The following GZMB variants were observed in gnomAD, a reference collection of about 807,000 sequenced individuals.
The protein encoded by GZMB is granzyme B.
Under a neutral mutation model 24.2 loss-of-function variants are expected in GZMB, and 27 were observed. The observed-to-expected ratio is 1.12, with a 90% CI of 0.82 to 1.54. The LOEUF is 1.54. Ranked by LOEUF, GZMB falls within the 40% of genes most tolerant of loss-of-function variation. The pLI is 0.00. For synonymous variants in GZMB, 121 were observed against 115.1 expected, an observed-to-expected ratio of 1.05 and a Z score of -0.33; for missense variants, 336 against 310.1, an observed-to-expected ratio of 1.08 and a Z score of -0.63.
intron 2 of GZMB, 102 bp downstream of exon 2, chr14:24,632,813 C>T: frequency 4.1e-6 from 5 of 1,214,290 alleles, no homozygotes; most frequent in South Asian, 2.5e-5. Context: ...AGGAGACCTC[C>T]TGGCATGTGT....
rs1449016334 is a variant in GZMB, at chr14:24,632,098, C to T, written c.360G>A (p.Arg120=). 3.7e-6 allele frequency: 6 copies of T among 1,613,862 alleles called. No homozygotes were observed. Among genetic ancestry groups the T allele is most frequent in the East Asian group, 4.5e-5 (2 of 44,868 alleles). The part of the protein sequence containing the change: ...MLLQLERKAK[R]TRAVQPLRLP... ...GCCTGAGGGGCTGCACAGCTCTGGT[C>T]CGCTTGGCCTTTCTCTCCAGCTGGT... is the stretch of plus-strand genomic sequence containing the variant. Residue 120 remains arginine, a synonymous_variant, in exon 4 of 5, where the codon CGG becomes CGA. Coordinates refer to ENST00000216341, the MANE Select transcript of GZMB (RefSeq NM_004131.6).
chr14:24,634,167 A>G lies in GZMB; in HGVS notation c.-7T>C, dbSNP rs2067022621. On this transcript the variant is annotated 5_prime_UTR_variant, in exon 1 of 5. Coordinates refer to ENST00000216341, the MANE Select transcript of GZMB (RefSeq NM_004131.6). ...GAAGCAGGATTGGTTGCATCTTCTC[A>G]GGAAGGCTGCCCTGGTTGGAGCTGC... The G allele has an allele frequency of 6.3e-7, 1 of 1,586,414 alleles. No individual in the cohort carries two copies. The highest frequency in any genetic ancestry group is 1.2e-5 in the South Asian group (1 of 86,280).
chr14:24,632,947 G>A lies in GZMB; in HGVS notation c.171C>T (p.Asp57=), dbSNP rs1433844780. 2 of 1,613,532 alleles carry A rather than the reference G, an allele frequency of 1.2e-6. No homozygotes were observed. Among genetic ancestry groups the A allele is most frequent in the East Asian group, 2.2e-5 (1 of 44,846 alleles). Residue 57 remains aspartate (D), a synonymous_variant, in exon 2 of 5, where the codon GAC becomes GAT. Coordinates refer to ENST00000216341, the MANE Select transcript of GZMB (RefSeq NM_004131.6). The stretch of plus-strand genomic sequence containing the variant: ...AACAGTGAGCAGCTGTCAGCACGAA[G>A]TCGTCTCGTATCAGGAAGCCACCGC... ...KRCGGFLIRD[D]FVLTAAHCWG...
intron 2 of GZMB, 94 bp downstream of exon 2, chr14:24,632,821 T>A: frequency 1.6e-6 from 2 of 1,265,338 alleles, no homozygotes; most frequent in Non-Finnish European, 2.3e-6. Flanking sequence ...TCCTGGCATG[T>A]GTGTTCACAG....
Position 24,632,996 on chromosome 14 carries a change from C to T in GZMB, c.122G>A (p.Trp41Ter). The change falls in exon 2 of 5, where the codon TGG becomes TAG. Residue 41 changes from tryptophan to a stop codon, truncating the protein, a stop_gained. Coordinates refer to ENST00000216341, the MANE Select transcript of GZMB (RefSeq NM_004131.6). LOFTEE classifies it high-confidence loss of function. ...SRPYMAYLMI[W>*]DQKSLKRCGG... The stretch of plus-strand genomic sequence containing the variant: ...GCACCTCTTCAGAGACTTCTGATCC[C>T]AGATCATAAGATAAGCCATGTAGGG... 5 of 1,613,834 alleles carry T rather than the reference C, an allele frequency of 3.1e-6. No homozygotes were observed. In the South Asian group the frequency reaches 5.5e-5, roughly 18 times the overall value.
Position 24,630,991 on chromosome 14 carries a change from G to A in GZMB, c.*80C>T, listed in dbSNP as rs1448463697. 9.4e-7 allele frequency: 1 copy of A among 1,059,482 alleles called. No individual in the cohort carries two copies. Among genetic ancestry groups the A allele is most frequent in the East Asian group, 2.4e-5 (1 of 42,186 alleles). 65.6% of individuals were successfully genotyped at this position (1,059,482 alleles called of 1,614,324 possible). ...CTAAGAGGTATTTATTCAGTTGCTGGCACCTCTCCCAGTGTAAATCTGGAC... is the reference window on the plus strand; with the variant it reads ...CTAAGAGGTATTTATTCAGTTGCTGACACCTCTCCCAGTGTAAATCTGGAC... On this transcript the variant is annotated 3_prime_UTR_variant, in exon 5 of 5. Coordinates refer to ENST00000216341, the MANE Select transcript of GZMB (RefSeq NM_004131.6).
rs368712815 is a variant in GZMB at position 24,633,051 on chromosome 14, C to T, written c.67G>A (p.Gly23Arg). 1.3e-4 allele frequency: 216 copies of T among 1,608,234 alleles called. 1 individual carries two copies. Among genetic ancestry groups the T allele is most frequent in the South Asian group, 3.5e-4 (32 of 90,356 alleles). Residue 23 changes from glycine (G) to arginine (R), a missense_variant, in exon 2 of 5, where the codon GGG becomes AGG. Transcript: ENST00000216341. ...GAGTGGGGCTTGGCCTCATGTCCCC[C>T]GATGATCTCCCCTGAAGGAAAAGTC... is the stretch of plus-strand genomic sequence containing the variant. ...LPRADAGEII[G>R]GHEAKPHSRP...
chr14:24,631,384 T>C (rs567979952), intron 4 of GZMB, among the ~76,000 whole-genome samples, 170 bp from the exon 5 acceptor site: 1 of 152,318 alleles, frequency 6.6e-6, no homozygotes, highest in Admixed American at 6.5e-5. Context: ...GCCCTGGACA[T>C]TGTTACTGCT....
intron 4 of GZMB, 80 bp downstream of exon 4, chr14:24,631,778 A>G (rs1356828602): frequency 8.7e-7 from 1 of 1,151,412 alleles, no homozygotes; most frequent in Admixed American, 1.7e-5. Context: ...GGAGTCCCCC[A>G]CTACTTGAGT....
At chr14:24,631,785 G>A in intron 4 of GZMB, 73 bp downstream of exon 4, 1 of 1,243,046 alleles carries the variant, frequency 8.0e-7, no homozygotes, top group African/African-American at 1.5e-5. Context: ...CCCACTACTT[G>A]AGTCTCCAGG....
chr14:24,631,351 T>TG (rs1161168825), intron 4 of GZMB, 137 bp from the exon 5 acceptor site: 1 of 691,066 alleles, frequency 1.4e-6, no homozygotes, highest in African/African-American at 1.8e-5. Flanking sequence ...AGGCCGCTGG[T>TG]GGCCCCCAGC....
intron 3 of GZMB, 48 bp downstream of exon 3, chr14:24,632,276 G>C (rs764989748): frequency 6.4e-7 from 1 of 1,573,958 alleles, no homozygotes; most frequent in Non-Finnish European, 8.7e-7. Flanking sequence ...CAGGGGGAGT[G>C]GAACCAACTG....
In GZMB at chr14:24,631,936, T is replaced by A; in HGVS notation, c.522A>T (p.Glu174Asp). Reference protein sequence around the residue: ...KMTVQEDRKCESDLRHYYDST... With the variant: ...KMTVQEDRKCDSDLRHYYDST... The stretch of plus-strand genomic sequence containing the variant: ...TGTCGTAATAATGGCGTAAGTCAGA[T>A]TCGCACTTTCGATCTTCCTGCACTG... The change falls in exon 4 of 5, where the codon GAA becomes GAT. Residue 174 changes from glutamate (E) to aspartate (D), a missense_variant. Transcript: ENST00000216341. 6.2e-7 allele frequency: 1 copy of A among 1,614,144 alleles called. No individual in the cohort carries two copies. Among genetic ancestry groups the A allele is most frequent in the Non-Finnish European group, 8.5e-7 (1 of 1,179,946 alleles).
At chr14:24,631,330 GAGGGC>G in intron 4 of GZMB, 116 bp from the exon 5 acceptor site, 1 of 866,780 alleles carries the variant, frequency 1.2e-6, no homozygotes, top group Non-Finnish European at 1.8e-6. Flanking sequence ...TGGGAGACCA[GAGGGC>G]AGGGCAGGCC....
At chr14:24,631,772 T>TC in intron 4 of GZMB, 86 bp downstream of exon 4, 1 of 1,050,814 alleles carries the variant, frequency 9.5e-7, no homozygotes, top group South Asian at 1.4e-5. Context: ...GGTGAAGGAG[T>TC]CCCCCACTAC....
Position 24,631,884 on chromosome 14 carries a change from G to C in GZMB, c.574C>G (p.Pro192Ala). The change falls in exon 4 of 5, where the codon CCA (proline) becomes GCA (alanine). Residue 192 changes from proline to alanine, a missense_variant. Transcript: ENST00000216341. ...TTAAAGGAAGTCTTTTTAATCTCTG[G>C]GTCCCCCACGCACAACTCAATGGTA... ...DSTIELCVGDPEIKKTSFKGD... is the reference protein window; with the variant it reads ...DSTIELCVGDAEIKKTSFKGD... The C allele has an allele frequency of 5.0e-6, 8 of 1,613,790 alleles. No individual in the cohort carries two copies. In the South Asian group the frequency reaches 8.8e-5, roughly 18 times the overall value.
intron 1 of GZMB, 156 bp from the exon 2 acceptor site, chr14:24,633,218 A>AG: frequency 4.2e-6 from 6 of 1,433,436 alleles, no homozygotes; most frequent in Non-Finnish European, 5.5e-6. Context: ...GCTCTGAAAA[A>AG]GGGAAGAACA....
At position 24,632,943 on chromosome 14, in the gene GZMB, CGAAGTCGTCTCGTATCAG is replaced by C; in HGVS notation, c.157_174del (p.Leu53_Phe58del). 1 of 1,613,248 alleles carries C rather than the reference CGAAGTCGTCTCGTATCAG, an allele frequency of 6.2e-7. No individual in the cohort carries two copies. The highest frequency in any genetic ancestry group is 8.5e-7 in the Non-Finnish European group (1 of 1,179,580). On this transcript the variant is annotated inframe_deletion, in exon 2 of 5. Transcript: ENST00000216341. ...CCCCAACAGTGAGCAGCTGTCAGCA[CGAAGTCGTCTCGTATCAG>C]GAAGCCACCGCACCTCTTCAGAGAC...
Position 24,633,058 on chromosome 14 carries a change from C to T in GZMB, c.60G>A (p.Glu20=), listed in dbSNP as rs754267669. 2.5e-6 allele frequency: 4 copies of T among 1,606,362 alleles called. No homozygotes were observed. Among genetic ancestry groups the T allele is most frequent in the Admixed American group, 1.7e-5 (1 of 59,198 alleles). The change falls in exon 2 of 5, where the codon GAG becomes GAA. Residue 20 remains glutamate (E), a synonymous_variant. Coordinates refer to ENST00000216341, the MANE Select transcript of GZMB (RefSeq NM_004131.6). ...GCTTGGCCTCATGTCCCCCGATGAT[C>T]TCCCCTGAAGGAAAAGTCTGTCTGC... ...FLLLPRADAG[E]IIGGHEAKPH...
Sources: gnomAD v4.1 joint callset for allele counts (sites outside exome capture counted in the v4.1 genomes callset) on GRCh38, gnomAD v4.1.1 for gene constraint, MANE v1.5 for transcripts, NCBI Gene and HGNC (gene_info 2026-07-23, HGNC 2026-07-21) for gene names.